Variants in BMPER observed in about 807,000 individuals in gnomAD.
BMPER encodes BMP binding endothelial regulator.
BMPER carries 45 observed loss-of-function variants against 87.3 expected under a neutral mutation model. That is an observed-to-expected ratio of 0.52 (90% confidence interval 0.41 to 0.66). The LOEUF (loss-of-function observed/expected upper bound fraction) is 0.66, where lower values mean the gene tolerates loss of function less well. Ranked by LOEUF, BMPER falls within the 30% of genes least tolerant of loss-of-function variation. The probability of loss-of-function intolerance (pLI) is 0.00; values close to 1 mark genes in which losing one functional copy is unlikely to be tolerated. For missense variants in BMPER, 784 were observed against 867.5 expected, an observed-to-expected ratio of 0.90 and a Z score of 1.21; for synonymous variants, 326 against 316.2, an observed-to-expected ratio of 1.03 and a Z score of -0.33.
chr7:34,101,083 A>C (rs937515987), intron 13 of BMPER, among the ~76,000 whole-genome samples: 11 of 152,228 alleles, frequency 7.2e-5, no homozygotes, highest in African/African-American at 2.7e-4. Context: ...AAGTTTGAGA[A>C]GTGCTGGGTT....
intron 3 of BMPER, among the ~76,000 whole-genome samples, chr7:33,958,266 C>T (rs996962988): frequency 6.6e-6 from 1 of 152,166 alleles, no homozygotes; most frequent in Non-Finnish European, 1.5e-5. Context: ...GCCTATTGCT[C>T]AGGGCTGAAT....
intron 13 of BMPER, among the ~76,000 whole-genome samples, chr7:34,119,129 G>A (rs755038222): frequency 3.9e-5 from 6 of 152,050 alleles, no homozygotes; most frequent in Non-Finnish European, 8.8e-5. Flanking sequence ...GTAAGTTCAG[G>A]AGAACTTTCT....
intron 13 of BMPER, among the ~76,000 whole-genome samples, chr7:34,108,824 A>C (rs1011571656): frequency 1.3e-5 from 2 of 152,240 alleles, no homozygotes; most frequent in African/African-American, 2.4e-5. Context: ...CTAAACATTA[A>C]ATACTTCCTT....
chr7:34,126,766 C>T (rs1354539147), intron 13 of BMPER, among the ~76,000 whole-genome samples: 1 of 152,138 alleles, frequency 6.6e-6, no homozygotes, highest in Admixed American at 6.5e-5. Flanking sequence ...ACATAATACT[C>T]CTTACCATAG....
chr7:34,066,767 A>G (rs567106182), intron 11 of BMPER, among the ~76,000 whole-genome samples: 2 of 152,334 alleles, frequency 1.3e-5, no homozygotes, highest in South Asian at 2.1e-4. Flanking sequence ...GAAATAATAC[A>G]TAGGGTCAAA....
intron 2 of BMPER, among the ~76,000 whole-genome samples, chr7:33,920,050 A>C (rs188906730): frequency 1.3e-4 from 20 of 152,274 alleles, no homozygotes; most frequent in Admixed American, 5.2e-4. Flanking sequence ...GTGTGATGAA[A>C]CTAATAGTTG....
At chr7:34,028,031 G>A (rs1787403736) in intron 6 of BMPER, among the ~76,000 whole-genome samples, 1 of 151,948 alleles carries the variant, frequency 6.6e-6, no homozygotes, top group African/African-American at 2.4e-5. Context: ...GCAGAGAATG[G>A]TTCATTGATA....
At chr7:33,928,207 T>C (rs1179146766) in intron 2 of BMPER, among the ~76,000 whole-genome samples, 2 of 152,162 alleles carry the variant, frequency 1.3e-5, no homozygotes, top group Non-Finnish European at 2.9e-5. Context: ...GACGCCACCA[T>C]GAACCCTCTC....
intron 13 of BMPER, among the ~76,000 whole-genome samples, chr7:34,113,013 G>T (rs2160310): frequency 6.6e-6 from 1 of 150,644 alleles, no homozygotes; most frequent in Non-Finnish European, 1.5e-5. Flanking sequence ...CATTTTAAGA[G>T]ACTATATATA....
At chr7:34,138,870 C>T (rs1248423022) in intron 13 of BMPER, among the ~76,000 whole-genome samples, 1 of 152,126 alleles carries the variant, frequency 6.6e-6, no homozygotes, top group Non-Finnish European at 1.5e-5. Flanking sequence ...GTCATGACAG[C>T]AGAGGTACCA....
At chr7:33,963,011 A>T (rs1249796786) in intron 3 of BMPER, among the ~76,000 whole-genome samples, 1 of 152,202 alleles carries the variant, frequency 6.6e-6, no homozygotes, top group East Asian at 1.9e-4. Context: ...TGCTAAAATA[A>T]TACTAGCAAT....
At chr7:33,946,115 A>G (rs1203915676) in intron 3 of BMPER, among the ~76,000 whole-genome samples, 3 of 152,232 alleles carry the variant, frequency 2.0e-5, no homozygotes, top group African/African-American at 4.8e-5. Context: ...CAATCATGGC[A>G]GAAAGCACCT....
intron 6 of BMPER, among the ~76,000 whole-genome samples, chr7:34,029,673 A>G (rs537393898): frequency 2.3e-4 from 35 of 152,158 alleles, no homozygotes; most frequent in African/African-American, 8.2e-4. Flanking sequence ...TAAGGGATCT[A>G]TTTGTTTCAA....
chr7:33,917,312 CTGGGAGCTGACTCTCT>C (rs1239375284), intron 2 of BMPER, among the ~76,000 whole-genome samples: 1 of 152,252 alleles, frequency 6.6e-6, no homozygotes, highest in East Asian at 1.9e-4. Context: ...CCCTTGGCTT[CTGGGAGCTGACTCTCT>C]TGAAAATTAT....
chr7:33,997,526 C>T (rs538982848), intron 6 of BMPER, among the ~76,000 whole-genome samples: 13 of 152,294 alleles, frequency 8.5e-5, no homozygotes, highest in Non-Finnish European at 1.6e-4. Flanking sequence ...GAAGAAGGTG[C>T]TTGCTTCTCC....
At chr7:33,938,935 G>T (rs1236755096) in intron 3 of BMPER, among the ~76,000 whole-genome samples, 1 of 152,146 alleles carries the variant, frequency 6.6e-6, no homozygotes, top group African/African-American at 2.4e-5. Context: ...TGAAGCAGGA[G>T]AATCACTTGA....
At chr7:34,130,092 G>A (rs1419922519) in intron 13 of BMPER, among the ~76,000 whole-genome samples, 1 of 151,874 alleles carries the variant, frequency 6.6e-6, no homozygotes, top group Non-Finnish European at 1.5e-5. Flanking sequence ...TATGTCACCA[G>A]TTACCCAAAC....
At chr7:33,980,549 A>G (rs1212084105) in intron 6 of BMPER, among the ~76,000 whole-genome samples, 2 of 152,208 alleles carry the variant, frequency 1.3e-5, no homozygotes, top group South Asian at 2.1e-4. Context: ...CCTGTCTTCA[A>G]TGTTGTGAGA....
At chr7:33,999,872 CTT>C (rs1456091264) in intron 6 of BMPER, among the ~76,000 whole-genome samples, 1 of 152,204 alleles carries the variant, frequency 6.6e-6, no homozygotes, top group African/African-American at 2.4e-5. Flanking sequence ...TTAAATACCT[CTT>C]TGATTTCTCC....
Sources: gnomAD v4.1 joint callset for allele counts (sites outside exome capture counted in the v4.1 genomes callset) on GRCh38, gnomAD v4.1.1 for gene constraint, MANE v1.5 for transcripts, NCBI Gene and HGNC (gene_info 2026-07-23, HGNC 2026-07-21) for gene names.